The following LYRM4 variants were observed in gnomAD, a reference collection of about 807,000 sequenced individuals.
LYRM4 encodes LYR motif-containing protein 4.
A neutral mutation model predicts 11.7 loss-of-function variants in LYRM4; 9 were observed. That is an observed-to-expected ratio of 0.77 (90% CI 0.46 to 1.34). The LOEUF (loss-of-function observed/expected upper bound fraction) is 1.34, where lower values mean the gene tolerates loss of function less well. Among genes scored for constraint, LYRM4 ranks in the 40% most tolerant of loss-of-function variants. The pLI is 0.00. For missense variants in LYRM4, 133 were observed against 112.5 expected, an observed-to-expected ratio of 1.18 and a Z score of -0.82; for synonymous variants, 42 against 40.4, an observed-to-expected ratio of 1.04 and a Z score of -0.15.
intron 2 of LYRM4, among the ~76,000 whole-genome samples, chr6:5,185,019 C>T (rs549469067): frequency 1.3e-5 from 2 of 152,286 alleles, no homozygotes; most frequent in Non-Finnish European, 2.9e-5. Context: ...TCCTTATGCC[C>T]TGCTTGTCAT....
chr6:5,207,687 A>G (rs1761774019), intron 2 of LYRM4, among the ~76,000 whole-genome samples: 1 of 152,188 alleles, frequency 6.6e-6, no homozygotes, highest in Admixed American at 6.5e-5. Flanking sequence ...CTGAGCAAAT[A>G]CTTCTTAAAT....
chr6:5,146,052 G>A (rs192774552), intron 2 of LYRM4, among the ~76,000 whole-genome samples: 1 of 152,250 alleles, frequency 6.6e-6, no homozygotes, highest in African/African-American at 2.4e-5. Context: ...CAATGAGATC[G>A]CTTCATTGCT....
chr6:5,088,681 C>A, the LYRM4 span: 23 of 152,294 alleles, frequency 1.5e-4, no homozygotes, highest in African/African-American at 5.3e-4. Context: ...ACACAATATG[C>A]TGACAATTAT....
chr6:5,206,775 T>C (rs1049419938), intron 2 of LYRM4, among the ~76,000 whole-genome samples: 1 of 152,150 alleles, frequency 6.6e-6, no homozygotes. Flanking sequence ...AAAATACTGA[T>C]TTAATTCCAC....
At chr6:5,036,363 C>T in the LYRM4 span, among the ~76,000 whole-genome samples, 2 of 152,068 alleles carry the variant, frequency 1.3e-5, no homozygotes, top group Admixed American at 6.5e-5. Flanking sequence ...AAACAGAGAG[C>T]GCCTCAGCAG....
chr6:5,121,271 C>T (rs1007754746), intron 2 of LYRM4, among the ~76,000 whole-genome samples: 3 of 152,156 alleles, frequency 2.0e-5, no homozygotes, highest in Non-Finnish European at 4.4e-5. Flanking sequence ...AGGATGCTAT[C>T]GCCTGCTACA....
chr6:5,162,252 G>C (rs1257600233), intron 2 of LYRM4, among the ~76,000 whole-genome samples: 1 of 152,204 alleles, frequency 6.6e-6, no homozygotes, highest in Non-Finnish European at 1.5e-5. Context: ...GTATGTATCA[G>C]AGCAGAATGT....
intron 2 of LYRM4, among the ~76,000 whole-genome samples, chr6:5,210,458 TA>T (rs879752938): frequency 1.9e-4 from 28 of 145,664 alleles, no homozygotes; most frequent in South Asian, 4.3e-4. Flanking sequence ...TGCTTCCAGT[TA>T]AAAAAAAAAA....
the LYRM4 span, among the ~76,000 whole-genome samples, chr6:5,036,248 A>G: frequency 1.3e-5 from 2 of 152,208 alleles, no homozygotes; most frequent in Non-Finnish European, 2.9e-5. Context: ...GTCTGAATTA[A>G]TGAGTTTTCT....
At chr6:5,249,879 A>G (rs1249006215) in intron 1 of LYRM4, among the ~76,000 whole-genome samples, 1 of 152,220 alleles carries the variant, frequency 6.6e-6, no homozygotes, top group African/African-American at 2.4e-5. Context: ...GGTATACAGG[A>G]GAAGTAATAT....
the LYRM4 span, among the ~76,000 whole-genome samples, chr6:5,058,497 C>G: frequency 1.3e-5 from 2 of 152,220 alleles, no homozygotes; most frequent in Non-Finnish European, 2.9e-5. Flanking sequence ...CTGCACCCGC[C>G]ACACAGTGGT....
chr6:5,099,846 CCCAGATCCACTGCTCTGAA>C (rs1429006953), downstream of LYRM4, among the ~76,000 whole-genome samples: 1 of 152,166 alleles, frequency 6.6e-6, no homozygotes, highest in Admixed American at 6.6e-5. The surrounding 1 kb of genome is among the most constrained non-coding windows in gnomAD (Gnocchi z 4.3). Flanking sequence ...GTCAATCTGA[CCCAGATCCACTGCTCTGAA>C]CCATCTACTC....
rs955256086 is a variant in LYRM4, at chr6:5,130,312, G to A, written c.208-20821C>T. Among the ~76,000 whole-genome samples the A allele has an allele frequency of 5.1e-5, 7 of 136,466 alleles. No homozygotes were observed. The East Asian group carries it at 5.9e-4, about 12-fold the overall frequency. The allele number at this position is 136,466 out of a possible 152,430, so 89.5% of individuals were successfully genotyped here. Reference sequence around the variant, plus strand: ...GAGACGTGTGAGCCCTGGGAATCTGGCTGTCACTGCCTCCCAAGTGAGCTT... The same window carrying A: ...GAGACGTGTGAGCCCTGGGAATCTGACTGTCACTGCCTCCCAAGTGAGCTT... On this transcript the variant is annotated intron_variant, in intron 2 of 2. Coordinates refer to ENST00000330636, the MANE Select transcript of LYRM4 (RefSeq NM_020408.6).
chr6:5,247,650 G>C (rs1764253472), intron 1 of LYRM4, among the ~76,000 whole-genome samples: 1 of 152,172 alleles, frequency 6.6e-6, no homozygotes, highest in Non-Finnish European at 1.5e-5. Context: ...ACAATGAATT[G>C]ATCACGTAAG....
chr6:5,149,845 C>T (rs773896171), intron 2 of LYRM4, among the ~76,000 whole-genome samples: 13 of 152,188 alleles, frequency 8.5e-5, no homozygotes, highest in Middle Eastern at 3.2e-3. Flanking sequence ...AGGTGCAAGC[C>T]ATTCCCAGAA....
rs199654641 is a variant in LYRM4, at chr6:5,217,915, GT to G, written c.87-1178del. Among the ~76,000 whole-genome samples the G allele has an allele frequency of 2.3e-4, 35 of 150,108 alleles. No individual in the cohort carries two copies. In the East Asian group the frequency reaches 5.8e-3, roughly 25 times the overall value. ...GCATGTGAGACACCATTTTCTCTAT[GT>G]TTTTTTTTTCTTTTTTAGAGATGGG... is the stretch of plus-strand genomic sequence containing the variant. On this transcript the variant is annotated intron_variant, in intron 1 of 2. Coordinates refer to ENST00000330636, the MANE Select transcript of LYRM4 (RefSeq NM_020408.6).
At chr6:5,129,127 G>C (rs1261623466) in intron 2 of LYRM4, among the ~76,000 whole-genome samples, 7 of 152,252 alleles carry the variant, frequency 4.6e-5, no homozygotes, top group Admixed American at 4.6e-4. Flanking sequence ...ACTTGATGGT[G>C]TGATCTTCGG....
downstream of LYRM4, chr6:5,104,718 G>C (rs1328650575): frequency 6.6e-6 from 1 of 152,178 alleles, no homozygotes; most frequent in Admixed American, 6.5e-5. Flanking sequence ...TCAGCAGTGG[G>C]GACAAAATTC....
chr6:5,055,569 T>C, the LYRM4 span, among the ~76,000 whole-genome samples: 1 of 152,288 alleles, frequency 6.6e-6, no homozygotes, highest in Admixed American at 6.5e-5. This position sits in a 1 kb window ranked among gnomAD's most constrained non-coding sequence, Gnocchi z 4.5. Context: ...CTACCTAATA[T>C]CTGTCCCACT....
Sources: gnomAD v4.1 joint callset for allele counts (sites outside exome capture counted in the v4.1 genomes callset) on GRCh38, gnomAD v4.1.1 for gene constraint, Gnocchi (gnomAD v3.1) non-coding constraint, MANE v1.5 for transcripts, NCBI Gene and HGNC (gene_info 2026-07-23, HGNC 2026-07-21) for gene names.